CDH2: variants seen among roughly 807,000 people sequenced by gnomAD.
The protein encoded by CDH2 is cadherin-2.
CDH2 carries 17 observed loss-of-function variants against 92.0 expected under a neutral mutation model. The ratio of observed to expected loss-of-function variants is 0.18; its 90% CI spans 0.13 to 0.28. The LOEUF (loss-of-function observed/expected upper bound fraction) is 0.28. Ranked by LOEUF, CDH2 falls within the 10% of genes least tolerant of loss-of-function variation. The pLI, the probability that CDH2 is intolerant of heterozygous loss-of-function variation, is 1.00. For missense variants in CDH2, 862 were observed against 1,133.1 expected (o/e 0.76, Z 3.44); for synonymous variants, 419 against 415.9 (o/e 1.01, Z -0.09).
intron 1 of CDH2, among the ~76,000 whole-genome samples, chr18:28,157,497 C>T (rs1262689429): frequency 6.6e-6 from 1 of 152,100 alleles, no homozygotes; most frequent in Non-Finnish European, 1.5e-5. Context: ...AAGAAAACTG[C>T]CCTAAGTCAT....
chr18:28,119,342 A>G (rs2015548225), intron 2 of CDH2, among the ~76,000 whole-genome samples: 1 of 152,088 alleles, frequency 6.6e-6, no homozygotes, highest in South Asian at 2.1e-4. Context: ...CTTAATAAAG[A>G]GCCAAAACGA....
At chr18:27,940,394 A>G (rs1909108493) in intron 6 of CDH2, among the ~76,000 whole-genome samples, 1 of 152,180 alleles carries the variant, frequency 6.6e-6, no homozygotes. Context: ...AAAGGTCCCT[A>G]GAAATTCTAA....
At chr18:28,052,420 T>A (rs574328659) in intron 2 of CDH2, among the ~76,000 whole-genome samples, 2 of 152,190 alleles carry the variant, frequency 1.3e-5, no homozygotes, top group Non-Finnish European at 2.9e-5. Flanking sequence ...GTGTCCTTTG[T>A]CATTGAAGAG....
At chr18:28,010,888 G>A (rs2013078512) in intron 4 of CDH2, among the ~76,000 whole-genome samples, 1 of 150,026 alleles carries the variant, frequency 6.7e-6, no homozygotes, top group African/African-American at 2.4e-5. Context: ...CTGACCTCGT[G>A]ATCTGCCCAC....
At chr18:28,029,273 T>A (rs2013633862) in intron 2 of CDH2, among the ~76,000 whole-genome samples, 1 of 152,144 alleles carries the variant, frequency 6.6e-6, no homozygotes, top group Admixed American at 6.6e-5. Context: ...TTTAATGTAG[T>A]AACATAACAA....
At chr18:27,985,416 C>G (rs2012198556) in intron 12 of CDH2, 112 bp downstream of exon 12, 6 of 862,028 alleles carry the variant, frequency 7.0e-6, no homozygotes, top group Non-Finnish European at 1.1e-5. Flanking sequence ...CTTTAAGTAG[C>G]TTTTAAAATA....
intron 4 of CDH2, among the ~76,000 whole-genome samples, chr18:28,011,574 T>TA (rs2013100599): frequency 6.6e-6 from 1 of 152,196 alleles, no homozygotes; most frequent in Non-Finnish European, 1.5e-5. Context: ...GAATATGTGT[T>TA]GGCTTTAGGG....
At chr18:28,154,656 C>T (rs1429970009) in intron 1 of CDH2, among the ~76,000 whole-genome samples, 1 of 152,148 alleles carries the variant, frequency 6.6e-6, no homozygotes, top group Non-Finnish European at 1.5e-5. Flanking sequence ...CTACTCTTTT[C>T]GGTTCCCGTT....
At chr18:28,028,371 G>A (rs11664087) in intron 2 of CDH2, among the ~76,000 whole-genome samples, 1,643 of 152,190 alleles carry the variant, frequency 0.011, 19 homozygotes, top group South Asian at 0.018. Flanking sequence ...TGTGCATTAA[G>A]CACACTAGCC....
chr18:28,087,440 C>G (rs1264465064), intron 2 of CDH2, among the ~76,000 whole-genome samples: 1 of 152,144 alleles, frequency 6.6e-6, no homozygotes, highest in African/African-American at 2.4e-5. Context: ...TTAAAATGCC[C>G]TCTATACATG....
At chr18:28,135,214 T>C (rs1481357394) in intron 2 of CDH2, among the ~76,000 whole-genome samples, 1 of 152,194 alleles carries the variant, frequency 6.6e-6, no homozygotes, top group Non-Finnish European at 1.5e-5. Flanking sequence ...TGTAATACAT[T>C]TATAAATAAC....
intron 2 of CDH2, among the ~76,000 whole-genome samples, chr18:28,058,480 T>C (rs1211671614): frequency 1.3e-5 from 2 of 152,214 alleles, no homozygotes; most frequent in African/African-American, 4.8e-5. Context: ...TATTGAAGAC[T>C]TTAAGGTAAA....
chr18:28,011,695 T>C, intron 4 of CDH2, 151 bp downstream of exon 4: 1 of 726,948 alleles, frequency 1.4e-6, no homozygotes, highest in Non-Finnish European at 2.2e-6. Context: ...AGAAGAGGCT[T>C]TCTACAACAC....
chr18:27,964,553 T>G (rs2011490671), intron 14 of CDH2, among the ~76,000 whole-genome samples: 1 of 152,214 alleles, frequency 6.6e-6, no homozygotes, highest in Non-Finnish European at 1.5e-5. Context: ...TCAGGCTTCA[T>G]CTCTCTGTCT....
At chr18:28,087,049 T>G (rs1452582316) in intron 2 of CDH2, among the ~76,000 whole-genome samples, 1 of 152,202 alleles carries the variant, frequency 6.6e-6, no homozygotes, top group Non-Finnish European at 1.5e-5. Flanking sequence ...GCAGGCTGAA[T>G]TTAATATTTT....
intron 2 of CDH2, among the ~76,000 whole-genome samples, chr18:28,037,661 A>C (rs8087457): frequency 0.46 from 69,998 of 152,020 alleles, 16,461 homozygotes; most frequent in Admixed American, 0.55. Context: ...GCTTAAAATA[A>C]GGAATTCATA....
rs200023599 is a variant in CDH2 at position 27,952,384 on chromosome 18, G to T, written c.2515-25C>A. 4 of 1,590,072 alleles carry T rather than the reference G, an allele frequency of 2.5e-6. No homozygotes were observed. In the Admixed American group the frequency reaches 5.0e-5, roughly 20 times the overall value. On this transcript the variant is annotated intron_variant, in intron 15 of 15. Coordinates refer to ENST00000269141, the MANE Select transcript of CDH2 (RefSeq NM_001792.5). ...CCTGCAATTTGGAAACACAAAGAAT[G>T]AAAGAATTAAGAGAGGGTTACACTT...
At chr18:28,157,596 G>A (rs2016240063) in intron 1 of CDH2, among the ~76,000 whole-genome samples, 1 of 152,078 alleles carries the variant, frequency 6.6e-6, no homozygotes, top group Non-Finnish European at 1.5e-5. Context: ...CTTCCATTAG[G>A]AAGCATTCAC....
chr18:28,172,826 A>C (rs969306834), intron 1 of CDH2, among the ~76,000 whole-genome samples: 2 of 152,150 alleles, frequency 1.3e-5, no homozygotes, highest in South Asian at 4.1e-4. Flanking sequence ...CTTAAATAAC[A>C]GCTCTGATTT....
Sources: gnomAD v4.1 joint callset for allele counts (sites outside exome capture counted in the v4.1 genomes callset) on GRCh38, gnomAD v4.1.1 for gene constraint, MANE v1.5 for transcripts, NCBI Gene and HGNC (gene_info 2026-07-23, HGNC 2026-07-21) for gene names.